Variants in RHOH observed in about 807,000 individuals in gnomAD.
The protein encoded by RHOH is rho-related GTP-binding protein RhoH.
RHOH carries 6 observed loss-of-function variants against 13.8 expected under a neutral mutation model. The ratio of observed to expected loss-of-function variants is 0.44; its 90% confidence interval spans 0.24 to 0.86. The LOEUF (loss-of-function observed/expected upper bound fraction) is 0.86, where lower values mean the gene tolerates loss of function less well. Among genes scored for constraint, RHOH ranks in the 40% least tolerant of loss-of-function variants. RHOH has a pLI of 0.24. For synonymous variants in RHOH, 117 were observed against 103.0 expected (o/e 1.14, Z -0.82); for missense variants, 147 against 244.5 (o/e 0.60, Z 2.66).
intron 1 of RHOH, among the ~76,000 whole-genome samples, chr4:40,232,042 T>G (rs1186826948): frequency 6.6e-6 from 1 of 152,240 alleles, no homozygotes; most frequent in Non-Finnish European, 1.5e-5. Context: ...TTTTTCCCTT[T>G]GTTGGCACTT....
intron 1 of RHOH, among the ~76,000 whole-genome samples, chr4:40,226,774 G>A (rs1275431503): frequency 6.6e-6 from 1 of 152,170 alleles, no homozygotes; most frequent in African/African-American, 2.4e-5. Flanking sequence ...ATGCTGGAAA[G>A]CTTAATGATT....
At chr4:40,238,959 C>T (rs1470319983) in intron 1 of RHOH, among the ~76,000 whole-genome samples, 3 of 152,184 alleles carry the variant, frequency 2.0e-5, no homozygotes, top group African/African-American at 7.2e-5. Context: ...CACTCCTGGA[C>T]ACATGTGACC....
chr4:40,203,521 A>AGTGT (rs142926219), intron 1 of RHOH, among the ~76,000 whole-genome samples: 10 of 147,242 alleles, frequency 6.8e-5, no homozygotes, highest in South Asian at 6.5e-4. Flanking sequence ...TATATCTGTG[A>AGTGT]GTGTGTGTGT....
chr4:40,226,051 T>C (rs11729556), intron 1 of RHOH, among the ~76,000 whole-genome samples: 64,084 of 152,012 alleles, frequency 0.42, 16,405 homozygotes, highest in Non-Finnish European at 0.57. Flanking sequence ...GTCTGGCAAA[T>C]GTGTTTATTG....
chr4:40,223,363 C>T (rs1235619979), intron 1 of RHOH, among the ~76,000 whole-genome samples: 1 of 152,010 alleles, frequency 6.6e-6, no homozygotes, highest in Non-Finnish European at 1.5e-5. Context: ...AAGAAATAGC[C>T]ACAGCCACTC....
intron 1 of RHOH, among the ~76,000 whole-genome samples, chr4:40,224,573 G>A (rs1726999796): frequency 6.6e-6 from 1 of 152,166 alleles, no homozygotes; most frequent in African/African-American, 2.4e-5. Flanking sequence ...ACCAGTGTGG[G>A]TCTGTTTTTT....
At chr4:40,195,231 T>C (rs1722997389), upstream of RHOH, among the ~76,000 whole-genome samples, 1 of 152,228 alleles carries the variant, frequency 6.6e-6, no homozygotes, top group African/African-American at 2.4e-5. Context: ...CTAAATCCTT[T>C]GATGAACAAA....
Position 40,218,248 on chromosome 4 carries a change from GA to G in RHOH, c.-331+20949del, listed in dbSNP as rs1243656818. The G allele has an allele frequency of 6.6e-6, 1 of 152,224 alleles. No homozygotes were observed. The highest frequency in any genetic ancestry group is 1.5e-5 in the Non-Finnish European group (1 of 68,048). The allele number at this position is 152,224 out of a possible 1,614,324, so 9.4% of individuals were successfully genotyped here. A position where few individuals can be genotyped will look rare whatever the true frequency, so the allele number is the denominator to read the frequency against. On this transcript the variant is annotated intron_variant, in intron 1 of 2. Transcript: ENST00000381799. This position sits in a 1 kb window ranked among gnomAD's most constrained non-coding sequence, Gnocchi z 4.1. ...GGCCACGTGGTTGTTCTGCTACTGA[GA>G]GTCTGCAGATGAGCTGGTGGTTTCT... is the stretch of plus-strand genomic sequence containing the variant.
chr4:40,200,118 G>C (rs1723768368), intron 1 of RHOH, among the ~76,000 whole-genome samples: 1 of 152,160 alleles, frequency 6.6e-6, no homozygotes, highest in African/African-American at 2.4e-5. Context: ...TGGGGGCTGG[G>C]GTGGGCTGTG....
At chr4:40,237,312 G>A (rs7681933) in intron 1 of RHOH, among the ~76,000 whole-genome samples, 75,299 of 152,042 alleles carry the variant, frequency 0.5, 21,427 homozygotes, top group Non-Finnish European at 0.64. Context: ...AAAAATAGCC[G>A]GTCATGGTGA....
intron 1 of RHOH, chr4:40,200,709 G>C (rs1336912383): frequency 6.6e-6 from 1 of 152,340 alleles, no homozygotes; most frequent in South Asian, 2.1e-4. Context: ...TCCAGGATAT[G>C]AGGATGTTTA....
intron 1 of RHOH, among the ~76,000 whole-genome samples, chr4:40,205,390 T>C (rs1166211079): frequency 6.6e-6 from 1 of 152,166 alleles, no homozygotes; most frequent in African/African-American, 2.4e-5. Context: ...GCTTTTAGGG[T>C]GAAAGGCATT....
chr4:40,205,444 G>T (rs888689396), intron 1 of RHOH, among the ~76,000 whole-genome samples: 1 of 152,228 alleles, frequency 6.6e-6, no homozygotes, highest in Non-Finnish European at 1.5e-5. Context: ...GGTGTAAGAT[G>T]TAGTTGTCTT....
rs527733184 is a variant in RHOH at position 40,242,761 on chromosome 4, T to C, written c.-283T>C. The C allele has an allele frequency of 6.6e-6, 1 of 152,328 alleles. No individual in the cohort carries two copies. The highest frequency in any genetic ancestry group is 1.5e-5 in the Non-Finnish European group (1 of 68,058). The allele number at this position is 152,328 out of a possible 1,614,324, so 9.4% of individuals were successfully genotyped here. On this transcript the variant is annotated 5_prime_UTR_variant, in exon 2 of 3. Transcript: ENST00000381799. ...CAGAAACTGAAGCCGTGGAGAACGC[T>C]CTCGGGGCCTTTGCCACTTCTTGGA...
intron 1 of RHOH, among the ~76,000 whole-genome samples, chr4:40,220,418 G>T (rs372054180): frequency 6.6e-6 from 1 of 151,872 alleles, no homozygotes; most frequent in Non-Finnish European, 1.5e-5. Flanking sequence ...TCATTTATAC[G>T]CAGAACATTG....
chr4:40,239,578 C>T (rs2109565964), intron 1 of RHOH, among the ~76,000 whole-genome samples: 1 of 152,240 alleles, frequency 6.6e-6, no homozygotes, highest in East Asian at 1.9e-4. Context: ...TATGCACCTG[C>T]TAAGAATTTT....
intron 2 of RHOH, 111 bp downstream of exon 2, chr4:40,242,945 TTGTGTGTGTGTGTGTGTGTGTG>T (rs58807335): frequency 0.024 from 3,462 of 143,732 alleles, 143 homozygotes; most frequent in African/African-American, 0.086. Flanking sequence ...CGGGAGGCAT[TTGTGTGTGTGTGTGTGTGTGTG>T]TGTGTGTGTG....
chr4:40,201,410 G>A (rs764935922), intron 1 of RHOH, among the ~76,000 whole-genome samples: 7 of 151,932 alleles, frequency 4.6e-5, no homozygotes, highest in Non-Finnish European at 7.4e-5. Context: ...CAAGGGAGAT[G>A]TTTACAGTGG....
chr4:40,209,706 T>C (rs893712928), intron 1 of RHOH: 1 of 152,252 alleles, frequency 6.6e-6, no homozygotes, highest in Non-Finnish European at 1.5e-5. Context: ...CCTCCCAAAG[T>C]GCTGGGATTA....
Sources: gnomAD v4.1 joint callset for allele counts (sites outside exome capture counted in the v4.1 genomes callset) on GRCh38, gnomAD v4.1.1 for gene constraint, Gnocchi (gnomAD v3.1) non-coding constraint, MANE v1.5 for transcripts, NCBI Gene and HGNC (gene_info 2026-07-23, HGNC 2026-07-21) for gene names.